Variants in GRIK2 observed in about 807,000 individuals in gnomAD.
GRIK2 encodes the protein glutamate ionotropic receptor kainate type subunit 2, also known as glutamate receptor ionotropic, kainate 2.
Under a neutral mutation model 100.3 loss-of-function variants are expected in GRIK2, and 32 were observed. The observed-to-expected ratio is 0.32, with a 90% CI of 0.24 to 0.43. The LOEUF is 0.43. Ranked by LOEUF, GRIK2 falls within the 20% of genes least tolerant of loss-of-function variation. The pLI is 1.00. For synonymous variants in GRIK2, 417 were observed against 389.4 expected (o/e 1.07, Z -0.83); for missense variants, 843 against 1,114.9 (o/e 0.76, Z 3.47).
At chr6:102,032,495 CT>C (rs1770052705) in intron 14 of GRIK2, among the ~76,000 whole-genome samples, 1 of 151,030 alleles carries the variant, frequency 6.6e-6, no homozygotes, top group Non-Finnish European at 1.5e-5. Context: ...TGAGGGAAGG[CT>C]TCAGGTCACC....
intron 14 of GRIK2, among the ~76,000 whole-genome samples, chr6:102,018,803 G>A (rs561002342): frequency 6.6e-6 from 1 of 152,106 alleles, no homozygotes; most frequent in South Asian, 2.1e-4. Flanking sequence ...TAAATGCTGG[G>A]CTGGAAGCAG....
At chr6:101,923,323 G>GA (rs1363753474) in intron 12 of GRIK2, among the ~76,000 whole-genome samples, 17 of 151,926 alleles carry the variant, frequency 1.1e-4, no homozygotes, top group African/African-American at 3.6e-4. Context: ...GAAATACTGG[G>GA]AAAAATATTT....
intron 10 of GRIK2, among the ~76,000 whole-genome samples, chr6:101,823,353 A>G (rs1469992486): frequency 1.4e-5 from 2 of 140,092 alleles, no homozygotes; most frequent in East Asian, 6.4e-4. Flanking sequence ...CATTTATTTT[A>G]TATATTTTTT....
chr6:101,848,323 CA>C (rs67224560), intron 10 of GRIK2, among the ~76,000 whole-genome samples: 16,542 of 152,078 alleles, frequency 0.11, 1,945 homozygotes, highest in East Asian at 0.66. Context: ...GCCAGTTTAT[CA>C]ACTGCTTCTA....
chr6:101,717,824 T>C (rs192316493), intron 7 of GRIK2, among the ~76,000 whole-genome samples: 1 of 151,924 alleles, frequency 6.6e-6, no homozygotes, highest in African/African-American at 2.4e-5. Flanking sequence ...TCTGTTTTTA[T>C]GAATTTAACA....
chr6:101,549,217 G>A (rs1348314483), intron 2 of GRIK2, among the ~76,000 whole-genome samples: 3 of 148,964 alleles, frequency 2.0e-5, no homozygotes, highest in African/African-American at 5.0e-5. Flanking sequence ...TTCTGTGTGG[G>A]ATATCACATA....
chr6:101,444,511 G>C (rs2787554), intron 2 of GRIK2, among the ~76,000 whole-genome samples: 93,121 of 151,862 alleles, frequency 0.61, 28,974 homozygotes, highest in East Asian at 0.92. Context: ...ATAGCCTTTG[G>C]TGGCTGTTGG....
rs1779995349 is a variant in GRIK2 at position 101,618,353 on chromosome 6, T to C, written c.116-3596T>C. On this transcript the variant is annotated intron_variant, in intron 2 of 16. Coordinates refer to ENST00000369134, the MANE Select transcript of GRIK2 (RefSeq NM_021956.5). Reference sequence around the variant, plus strand: ...TCTCTATTAATTTTTCATCAGATACTATTTCATTATTTGTTTAGTCTTTGT... The same window carrying C: ...TCTCTATTAATTTTTCATCAGATACCATTTCATTATTTGTTTAGTCTTTGT... Among the ~76,000 whole-genome samples the C allele has an allele frequency of 1.3e-5, 2 of 151,730 alleles. 1 individual carries two copies. The highest frequency in any genetic ancestry group is 4.1e-4 in the South Asian group (2 of 4,824).
At chr6:101,601,547 G>A (rs145574211) in intron 2 of GRIK2, among the ~76,000 whole-genome samples, 53 of 152,028 alleles carry the variant, frequency 3.5e-4, no homozygotes, top group African/African-American at 1.3e-3. Flanking sequence ...GAATTTGGCT[G>A]TAAAGCCATC....
chr6:101,595,321 G>C lies in GRIK2; in HGVS notation c.116-26628G>C, dbSNP rs75205273. Among the ~76,000 whole-genome samples the C allele has an allele frequency of 3.7e-3, 559 of 151,648 alleles. 1 individual carries two copies. Among genetic ancestry groups the C allele is most frequent in the Non-Finnish European group, 6.6e-3 (446 of 67,730 alleles). On this transcript the variant is annotated intron_variant, in intron 2 of 16. Transcript: ENST00000369134. Reference sequence around the variant, plus strand: ...GGTAGTTACAGACTTTCAGTATTTGGGGGTATATGGTTTGTTGCAACTGTT... The same window carrying C: ...GGTAGTTACAGACTTTCAGTATTTGCGGGTATATGGTTTGTTGCAACTGTT...
intron 2 of GRIK2, chr6:101,430,858 G>A (rs2787566): frequency 0.045 from 14,790 of 327,924 alleles, 640 homozygotes; most frequent in African/African-American, 0.12. Flanking sequence ...TTGATGTCGC[G>A]CACTATCTCC....
intron 1 of GRIK2, among the ~76,000 whole-genome samples, chr6:101,396,260 G>A (rs897052308): frequency 4.8e-5 from 7 of 147,322 alleles, no homozygotes; most frequent in Non-Finnish European, 8.9e-5. Flanking sequence ...CCCCCAGGAA[G>A]TGAGTGAGTT....
chr6:101,489,276 T>C (rs1204718473), intron 2 of GRIK2, among the ~76,000 whole-genome samples: 1 of 146,126 alleles, frequency 6.8e-6, no homozygotes, highest in East Asian at 1.9e-4. Context: ...CAAGTGACCA[T>C]GGCTAGAGAA....
chr6:102,023,962 T>G (rs1769562001), intron 14 of GRIK2, among the ~76,000 whole-genome samples: 1 of 151,164 alleles, frequency 6.6e-6, no homozygotes, highest in African/African-American at 2.4e-5. Flanking sequence ...GAGGCTCCAG[T>G]GGGATTGGAA....
intron 2 of GRIK2, among the ~76,000 whole-genome samples, chr6:101,612,251 T>A (rs1049989484): frequency 1.3e-5 from 2 of 151,812 alleles, no homozygotes; most frequent in African/African-American, 4.8e-5. Context: ...TTAATCTACC[T>A]TGCAGGACTG....
intron 4 of GRIK2, among the ~76,000 whole-genome samples, chr6:101,650,869 C>G (rs148059602): frequency 1.2e-3 from 189 of 152,172 alleles, no homozygotes; most frequent in African/African-American, 4.2e-3. Flanking sequence ...TTCCCCACCC[C>G]CTAGCACCTA....
intron 10 of GRIK2, among the ~76,000 whole-genome samples, chr6:101,846,485 T>C (rs1783818149): frequency 6.6e-6 from 1 of 152,082 alleles, no homozygotes; most frequent in Non-Finnish European, 1.5e-5. Flanking sequence ...TTTCTTTTAT[T>C]GTGAAGTCTT....
intron 7 of GRIK2, among the ~76,000 whole-genome samples, chr6:101,691,398 CAG>C (rs1403040288): frequency 6.6e-6 from 1 of 151,410 alleles, no homozygotes; most frequent in Non-Finnish European, 1.5e-5. Context: ...CCCCAGATTG[CAG>C]AGATTCTTGC....
chr6:102,041,051 G>A (rs1029267022), intron 15 of GRIK2, among the ~76,000 whole-genome samples: 2 of 151,422 alleles, frequency 1.3e-5, no homozygotes, highest in Non-Finnish European at 3.0e-5. Context: ...TACATTCCTG[G>A]CATATTTGTT....
Sources: gnomAD v4.1 joint callset for allele counts (sites outside exome capture counted in the v4.1 genomes callset) on GRCh38, gnomAD v4.1.1 for gene constraint, MANE v1.5 for transcripts, NCBI Gene and HGNC (gene_info 2026-07-23, HGNC 2026-07-21) for gene names.